The following CLIC4 variants were observed in gnomAD, a reference collection of about 807,000 sequenced individuals.
CLIC4 encodes the protein CLIC family member 4.
A neutral mutation model predicts 24.6 loss-of-function variants in CLIC4; 13 were observed. The ratio of observed to expected loss-of-function variants is 0.53; its 90% CI spans 0.34 to 0.84. The LOEUF (loss-of-function observed/expected upper bound fraction) is 0.84, where lower values mean the gene tolerates loss of function less well. Among genes scored for constraint, CLIC4 ranks in the 40% least tolerant of loss-of-function variants. CLIC4 has a pLI of 0.01. For missense variants in CLIC4, 227 were observed against 301.7 expected (o/e 0.75, Z 1.83); for synonymous variants, 104 against 111.3 (o/e 0.93, Z 0.41).
intron 3 of CLIC4, among the ~76,000 whole-genome samples, chr1:24,817,913 A>T (rs915884352): frequency 2.6e-5 from 4 of 152,202 alleles, no homozygotes; most frequent in African/African-American, 9.7e-5. Context: ...AGACAGGGGA[A>T]CAGCAATCAC....
chr1:24,782,883 G>T (rs1196697147), intron 1 of CLIC4, among the ~76,000 whole-genome samples: 1 of 152,118 alleles, frequency 6.6e-6, no homozygotes, highest in Non-Finnish European at 1.5e-5. Context: ...AGAGGCTGTG[G>T]TGGGAGGATC....
Position 24,840,999 on chromosome 1 carries a change from G to GCTA in CLIC4, c.*65_*67dup. ...CCTAAGAATACGCTTTTCCTAACAG[G>GCTA]CTACTCCTTCCTGTAGAGCAGAAAT... On this transcript the variant is annotated 3_prime_UTR_variant, in exon 6 of 6. Transcript: ENST00000374379. The GCTA allele has an allele frequency of 7.1e-7, 1 of 1,401,644 alleles. No individual in the cohort carries two copies. The highest frequency in any genetic ancestry group is 9.7e-7 in the Non-Finnish European group (1 of 1,028,004). The allele number at this position is 1,401,644 out of a possible 1,614,324, so 86.8% of individuals were successfully genotyped here. A position where few individuals can be genotyped will look rare whatever the true frequency, so the allele number is the denominator to read the frequency against.
chr1:24,771,107 G>A (rs145801271), intron 1 of CLIC4, among the ~76,000 whole-genome samples: 94 of 152,230 alleles, frequency 6.2e-4, no homozygotes, highest in African/African-American at 2.0e-3. Context: ...CCTTACGAAC[G>A]TGCTATGCTT....
chr1:24,820,503 G>A (rs1639719436), intron 3 of CLIC4, among the ~76,000 whole-genome samples: 1 of 149,134 alleles, frequency 6.7e-6, no homozygotes, highest in Non-Finnish European at 1.5e-5. Flanking sequence ...GACACAATCA[G>A]TCCTCCTGCC....
intron 1 of CLIC4, among the ~76,000 whole-genome samples, chr1:24,794,470 G>A (rs1443164505): frequency 6.7e-6 from 1 of 149,654 alleles, no homozygotes; most frequent in Non-Finnish European, 1.5e-5. Flanking sequence ...TCATATGCTT[G>A]TTGGGCCACA....
intron 1 of CLIC4, among the ~76,000 whole-genome samples, chr1:24,778,426 T>C (rs1436372847): frequency 6.6e-6 from 1 of 152,234 alleles, no homozygotes; most frequent in Non-Finnish European, 1.5e-5. Context: ...AACTTGTTTC[T>C]GGACCATTTT....
intron 3 of CLIC4, among the ~76,000 whole-genome samples, chr1:24,818,270 C>G (rs1016439941): frequency 1.9e-4 from 29 of 152,066 alleles, no homozygotes; most frequent in African/African-American, 6.5e-4. Flanking sequence ...TGAAGTTACT[C>G]AATTTGGTTT....
intron 1 of CLIC4, among the ~76,000 whole-genome samples, chr1:24,748,499 G>GTTTTTTTTTTTTT (rs869153638): frequency 1.2e-5 from 1 of 80,616 alleles, no homozygotes; most frequent in Non-Finnish European, 2.2e-5. Flanking sequence ...CAGGTTTTTT[G>GTTTTTTTTTTTTT]TTTTTTTTTT....
intron 2 of CLIC4, among the ~76,000 whole-genome samples, chr1:24,807,093 G>A (rs958929700): frequency 5.3e-5 from 8 of 151,828 alleles, no homozygotes; most frequent in Non-Finnish European, 1.2e-4. Flanking sequence ...TTTGAGGACA[G>A]CCTGGGCAAC....
Position 24,766,473 on chromosome 1 carries a change from G to GTTTTTTTTTTTTT in CLIC4, c.72+20884_72+20896dup, listed in dbSNP as rs71032855. 4.8e-5 allele frequency among the ~76,000 whole-genome samples: 3 copies of GTTTTTTTTTTTTT among 62,078 alleles called. 1 individual carries two copies. The highest frequency in any genetic ancestry group is 6.5e-5 in the African/African-American group (1 of 15,476). The allele number at this position is 62,078 out of a possible 152,430, so 40.7% of individuals were successfully genotyped here. ...CAGGTCTTGCTATGTTGCCCAGACG[G>GTTTTTTTTTTTTT]TTTTTTTTTTTTTTTTTTTTTTTTT... On this transcript the variant is annotated intron_variant, in intron 1 of 5. Transcript: ENST00000374379.
At chr1:24,823,335 C>A (rs1310578771) in intron 3 of CLIC4, among the ~76,000 whole-genome samples, 1 of 152,094 alleles carries the variant, frequency 6.6e-6, no homozygotes, top group Non-Finnish European at 1.5e-5. Context: ...GAAGAAACCA[C>A]TTTGCTAAAA....
At chr1:24,752,978 C>T (rs936908512) in intron 1 of CLIC4, among the ~76,000 whole-genome samples, 10 of 152,172 alleles carry the variant, frequency 6.6e-5, no homozygotes, top group Middle Eastern at 3.2e-3. Flanking sequence ...GCCTTGGCCT[C>T]CCGAAGTGCT....
chr1:24,748,136 TAGGA>T (rs1638728454), intron 1 of CLIC4, among the ~76,000 whole-genome samples: 1 of 152,194 alleles, frequency 6.6e-6, no homozygotes, highest in African/African-American at 2.4e-5. Context: ...GTATCTGAAT[TAGGA>T]AGAGATCAGT....
chr1:24,814,888 A>C (rs1424759520), intron 3 of CLIC4, among the ~76,000 whole-genome samples: 1 of 152,168 alleles, frequency 6.6e-6, no homozygotes, highest in African/African-American at 2.4e-5. Context: ...TTTTGTTTCT[A>C]CTGACCAAAA....
chr1:24,764,297 T>C (rs1237744506), intron 1 of CLIC4, among the ~76,000 whole-genome samples: 1 of 151,926 alleles, frequency 6.6e-6, no homozygotes, highest in Non-Finnish European at 1.5e-5. Flanking sequence ...ACGGGGTTTC[T>C]CCATGTTGGT....
chr1:24,753,510 G>T (rs1402862527), intron 1 of CLIC4, among the ~76,000 whole-genome samples: 2 of 152,146 alleles, frequency 1.3e-5, no homozygotes, highest in Admixed American at 1.3e-4. Context: ...AGGTGAATAG[G>T]TGGGTTCGGA....
At chr1:24,837,985 A>T (rs1639902667) in intron 4 of CLIC4, among the ~76,000 whole-genome samples, 1 of 152,192 alleles carries the variant, frequency 6.6e-6, no homozygotes, top group African/African-American at 2.4e-5. Flanking sequence ...GCTCCAGCTC[A>T]GTGCGTGACA....
intron 1 of CLIC4, among the ~76,000 whole-genome samples, chr1:24,768,482 G>T (rs112590460): frequency 0.02 from 3,046 of 152,066 alleles, 97 homozygotes; most frequent in African/African-American, 0.07. Flanking sequence ...AGTTGAGATA[G>T]TGTAGATCTA....
At chr1:24,809,181 A>C (rs540084748) in intron 2 of CLIC4, among the ~76,000 whole-genome samples, 12 of 152,294 alleles carry the variant, frequency 7.9e-5, no homozygotes, top group African/African-American at 2.9e-4. Context: ...ACAGAAGTTG[A>C]TAGGAAATAT....
Sources: gnomAD v4.1 joint callset for allele counts (sites outside exome capture counted in the v4.1 genomes callset) on GRCh38, gnomAD v4.1.1 for gene constraint, MANE v1.5 for transcripts, NCBI Gene and HGNC (gene_info 2026-07-23, HGNC 2026-07-21) for gene names.